Variants in FOXN3 observed in about 807,000 individuals in gnomAD.
The protein encoded by FOXN3 is forkhead box N3, also known as forkhead box protein N3.
FOXN3 carries 7 observed loss-of-function variants against 38.4 expected under a neutral mutation model. The observed-to-expected ratio is 0.18, with a 90% CI of 0.10 to 0.34. The LOEUF (loss-of-function observed/expected upper bound fraction) is 0.34. Ranked by LOEUF, FOXN3 falls within the 10% of genes least tolerant of loss-of-function variation. The pLI, the probability that FOXN3 is intolerant of heterozygous loss-of-function variation, is 1.00. For synonymous variants in FOXN3, 230 were observed against 242.2 expected, an observed-to-expected ratio of 0.95 and a Z score of 0.47; for missense variants, 456 against 613.4, an observed-to-expected ratio of 0.74 and a Z score of 2.71.
chr14:89,555,838 G>GGGGTGTGTGTGTGT (rs1462914142), intron 1 of FOXN3, among the ~76,000 whole-genome samples: 1 of 89,620 alleles, frequency 1.1e-5, no homozygotes, highest in East Asian at 3.2e-4. Context: ...TCTAGTTCAT[G>GGGGTGTGTGTGTGT]GTGTGTGTGT....
At position 89,611,370 on chromosome 14, in the gene FOXN3, T is replaced by G. The variant is rs146405943; in HGVS notation, c.-15+7658A>C. Among the ~76,000 whole-genome samples the G allele has an allele frequency of 2.2e-4, 34 of 152,348 alleles. No homozygotes were observed. The Middle Eastern group carries it at 0.01, about 46-fold the overall frequency. ...AGTGCTGTCTAGGAAATCTGTTTTTTGTGTTAGACATGCTGCCAATTATAG... is the reference window on the plus strand; with the variant it reads ...AGTGCTGTCTAGGAAATCTGTTTTTGGTGTTAGACATGCTGCCAATTATAG... On this transcript the variant is annotated intron_variant, in intron 1 of 6. Transcript: ENST00000345097.
chr14:89,506,454 G>C (rs1235970592), intron 1 of FOXN3, among the ~76,000 whole-genome samples: 1 of 142,278 alleles, frequency 7.0e-6, no homozygotes, highest in African/African-American at 2.7e-5. Context: ...AGGGAGGTTG[G>C]GGGGGTCAGC....
chr14:89,614,909 C>T (rs960902592), intron 1 of FOXN3, among the ~76,000 whole-genome samples: 5 of 152,176 alleles, frequency 3.3e-5, no homozygotes, highest in East Asian at 1.9e-4. Context: ...CAAATGGAGG[C>T]GGATGCATTT....
intron 4 of FOXN3, among the ~76,000 whole-genome samples, chr14:89,265,551 C>T (rs1380008035): frequency 6.6e-6 from 1 of 152,070 alleles, no homozygotes; most frequent in African/African-American, 2.4e-5. Context: ...CACTTGGAAG[C>T]ACACAGATGA....
At chr14:89,597,617 T>TGA (rs1566713466) in intron 1 of FOXN3, among the ~76,000 whole-genome samples, 4 of 151,974 alleles carry the variant, frequency 2.6e-5, no homozygotes, top group South Asian at 2.1e-4. Flanking sequence ...TGTGTGTGTG[T>TGA]GAGAGAGAGA....
intron 1 of FOXN3, among the ~76,000 whole-genome samples, chr14:89,579,945 T>C (rs868405034): frequency 2.0e-5 from 3 of 152,218 alleles, no homozygotes; most frequent in South Asian, 2.1e-4. Flanking sequence ...GGAATAAATA[T>C]GTATCTCTAC....
At chr14:89,436,594 C>A (rs1023534694) in intron 1 of FOXN3, among the ~76,000 whole-genome samples, 4 of 152,198 alleles carry the variant, frequency 2.6e-5, no homozygotes. Flanking sequence ...GCTTAGGACT[C>A]AGTGCACAAA....
chr14:89,427,478 T>C (rs1892064829), intron 1 of FOXN3, among the ~76,000 whole-genome samples: 1 of 147,486 alleles, frequency 6.8e-6, no homozygotes, highest in Admixed American at 6.7e-5. Context: ...GCTGATTTTT[T>C]TTTTTTTTTT....
chr14:89,581,694 C>A lies in FOXN3; in HGVS notation c.-15+37334G>T, dbSNP rs545277315. On this transcript the variant is annotated intron_variant, in intron 1 of 6. Transcript: ENST00000345097. ...TCCAGCATCCACATGCTAAGCTATC[C>A]CAGAGTTTGGCACATTCTCTTATAC... Among the ~76,000 whole-genome samples, 3 of 152,162 alleles carry A rather than the reference C, an allele frequency of 2.0e-5. No individual in the cohort carries two copies. In the East Asian group the frequency reaches 5.8e-4, roughly 29 times the overall value.
rs925486772 is a variant in FOXN3, at chr14:89,362,985, G to A, written c.544-12177C>T. ...GCAGGGCCCTGTGACACAAAGGCAGGGTCCGTTTCCTTAAGGTGGGGAACC... is the reference window on the plus strand; with the variant it reads ...GCAGGGCCCTGTGACACAAAGGCAGAGTCCGTTTCCTTAAGGTGGGGAACC... On this transcript the variant is annotated intron_variant, in intron 2 of 5. Transcript: ENST00000557258. Among the ~76,000 whole-genome samples, 5 of 152,228 alleles carry A rather than the reference G, an allele frequency of 3.3e-5. No homozygotes were observed. In the East Asian group the frequency reaches 9.7e-4, roughly 30 times the overall value.
At chr14:89,184,193 T>C (rs1170532823) in intron 4 of FOXN3, 2 of 152,158 alleles carry the variant, frequency 1.3e-5, no homozygotes, top group Non-Finnish European at 2.9e-5. Flanking sequence ...ACAGATGCTG[T>C]TATGGTGCTT....
intron 5 of FOXN3, among the ~76,000 whole-genome samples, chr14:89,175,801 C>CAT (rs1017714066): frequency 6.6e-6 from 1 of 152,132 alleles, no homozygotes; most frequent in African/African-American, 2.4e-5. Flanking sequence ...CCTGATGAGG[C>CAT]ATGTAGGGAT....
chr14:89,177,018 T>C (rs1887538611), intron 5 of FOXN3, among the ~76,000 whole-genome samples: 2 of 149,808 alleles, frequency 1.3e-5, no homozygotes, highest in South Asian at 4.3e-4. Context: ...TCTTTTTTTT[T>C]TTTTTTTTTT....
At chr14:89,582,827 T>C (rs1322365617) in intron 1 of FOXN3, among the ~76,000 whole-genome samples, 1 of 152,228 alleles carries the variant, frequency 6.6e-6, no homozygotes, top group Non-Finnish European at 1.5e-5. Flanking sequence ...TCCTTATAGA[T>C]GAGTCTGCAT....
At position 89,162,579 on chromosome 14, in the gene FOXN3, G is replaced by A; in HGVS notation, c.1242C>T (p.Pro414=). The part of the protein sequence containing the change: ...KARKVPSDTL[P]LKKRRTEKPP... Reference sequence around the variant, plus strand: ...GCTTTTCGGTGCGTCTCTTTTTGAGGGGCAGTGTGTCGCTGGGGACCTTCC... The same window carrying A: ...GCTTTTCGGTGCGTCTCTTTTTGAGAGGCAGTGTGTCGCTGGGGACCTTCC... Residue 414 remains proline, a synonymous_variant, in exon 6 of 6, where the codon CCC becomes CCT. Transcript: ENST00000557258. The surrounding 1 kb of genome is among the most constrained non-coding windows in gnomAD (Gnocchi z 7.2). 4 of 1,613,832 alleles carry A rather than the reference G, an allele frequency of 2.5e-6. No individual in the cohort carries two copies. The highest frequency in any genetic ancestry group is 3.4e-6 in the Non-Finnish European group (4 of 1,179,968).
intron 2 of FOXN3, among the ~76,000 whole-genome samples, chr14:89,373,613 C>T (rs1447610474): frequency 6.6e-6 from 1 of 152,102 alleles, no homozygotes; most frequent in South Asian, 2.1e-4. Flanking sequence ...CTAACTAATA[C>T]GTTAGCTCTA....
At chr14:89,540,221 C>T (rs190639252) in intron 1 of FOXN3, among the ~76,000 whole-genome samples, 1 of 152,262 alleles carries the variant, frequency 6.6e-6, no homozygotes, top group Admixed American at 6.5e-5. Flanking sequence ...ATAGAGATAA[C>T]AACAAAGGCC....
chr14:89,607,591 T>C (rs911126871), intron 1 of FOXN3, among the ~76,000 whole-genome samples: 3 of 149,724 alleles, frequency 2.0e-5, no homozygotes, highest in African/African-American at 4.9e-5. Flanking sequence ...TCAAGTTTGC[T>C]GCCCATGCAC....
chr14:89,336,602 T>C (rs1000186411), intron 3 of FOXN3, among the ~76,000 whole-genome samples: 2 of 152,204 alleles, frequency 1.3e-5, no homozygotes, highest in African/African-American at 4.8e-5. Context: ...CTGCTCTTTA[T>C]AGGCACGTGA....
Sources: allele counts gnomAD v4.1 joint callset (sites outside exome capture counted in the v4.1 genomes callset), GRCh38; gene constraint gnomAD v4.1.1; non-coding constraint Gnocchi (gnomAD v3.1); transcripts MANE v1.5; gene names NCBI Gene and HGNC (gene_info 2026-07-23, HGNC 2026-07-21).